MOB1B: variants seen among roughly 807,000 people sequenced by gnomAD.
MOB1B encodes MOB1 Mps One Binder homolog B.
Under a neutral mutation model 24.4 loss-of-function variants are expected in MOB1B, and 19 were observed. That is an observed-to-expected ratio of 0.78 (90% confidence interval 0.54 to 1.14). The LOEUF is 1.14. Among genes scored for constraint, MOB1B ranks in the 50% most tolerant of loss-of-function variants. The pLI is 0.00. For synonymous variants in MOB1B, 76 were observed against 82.1 expected (o/e 0.93, Z 0.40); for missense variants, 243 against 259.6 (o/e 0.94, Z 0.44).
chr4:70,948,104 G>T (rs1296797162), intron 1 of MOB1B, among the ~76,000 whole-genome samples: 1 of 152,032 alleles, frequency 6.6e-6, no homozygotes, highest in African/African-American at 2.4e-5. Flanking sequence ...TTTGTGAAAG[G>T]TGCAAGATCT....
chr4:70,968,708 G>C (rs1021167947), intron 2 of MOB1B, among the ~76,000 whole-genome samples: 1 of 152,190 alleles, frequency 6.6e-6, no homozygotes, highest in African/African-American at 2.4e-5. Flanking sequence ...TCGAACTCCT[G>C]GGGTCAAGCA....
intron 1 of MOB1B, among the ~76,000 whole-genome samples, chr4:70,955,202 G>T (rs899811326): frequency 6.6e-6 from 1 of 152,176 alleles, no homozygotes; most frequent in African/African-American, 2.4e-5. Flanking sequence ...CTCTGGGGGA[G>T]GTGAGGCTCG....
At chr4:70,929,955 A>T (rs541629815) in intron 1 of MOB1B, among the ~76,000 whole-genome samples, 10 of 152,062 alleles carry the variant, frequency 6.6e-5, no homozygotes, top group Non-Finnish European at 1.5e-4. Context: ...GCGTCTCCCT[A>T]TGTTGCCCAG....
At chr4:70,964,699 G>A (rs1202061991) in intron 2 of MOB1B, among the ~76,000 whole-genome samples, 1 of 152,190 alleles carries the variant, frequency 6.6e-6, no homozygotes, top group African/African-American at 2.4e-5. Context: ...GGAGGCCAAG[G>A]TGGGTGGATC....
chr4:70,975,257 A>T lies in MOB1B; in HGVS notation c.380A>T (p.Asp127Val). ...ATGACTTGGGTTCAGGACCAGTTGG[A>T]TGATGAGACGTTATTTCCATCAAAA... ...YLMTWVQDQL[D>V]DETLFPSKIG... The change falls in exon 4 of 6, where the codon GAT (aspartate) becomes GTT (valine). Residue 127 changes from aspartate to valine, a missense_variant. Transcript: ENST00000309395. The T allele has an allele frequency of 6.2e-7, 1 of 1,613,402 alleles. No homozygotes were observed. Among genetic ancestry groups the T allele is most frequent in the Non-Finnish European group, 8.5e-7 (1 of 1,179,700 alleles).
At chr4:70,960,646 G>A (rs1738267692) in intron 2 of MOB1B, among the ~76,000 whole-genome samples, 1 of 152,122 alleles carries the variant, frequency 6.6e-6, no homozygotes, top group Non-Finnish European at 1.5e-5. Flanking sequence ...TTATTATTAT[G>A]TGATTATCCT....
At chr4:70,949,699 G>A (rs1737722371) in intron 1 of MOB1B, among the ~76,000 whole-genome samples, 1 of 151,984 alleles carries the variant, frequency 6.6e-6, no homozygotes, top group Non-Finnish European at 1.5e-5. Context: ...ACTAGCCAGG[G>A]CAACAAAGTG....
At chr4:70,965,579 C>T (rs1490523907) in intron 2 of MOB1B, among the ~76,000 whole-genome samples, 1 of 150,496 alleles carries the variant, frequency 6.6e-6, no homozygotes, top group Non-Finnish European at 1.5e-5. Flanking sequence ...GGGTGGATCA[C>T]GAGGTCAGGA....
intron 1 of MOB1B, among the ~76,000 whole-genome samples, chr4:70,925,426 C>T (rs1178296836): frequency 6.6e-6 from 1 of 152,030 alleles, no homozygotes; most frequent in African/African-American, 2.4e-5. Context: ...ATGTCTTTGC[C>T]TTTTTTGATA....
chr4:70,971,124 C>T (rs1298325760), intron 3 of MOB1B, among the ~76,000 whole-genome samples: 1 of 152,168 alleles, frequency 6.6e-6, no homozygotes, highest in African/African-American at 2.4e-5. Context: ...TTGTTCTCTC[C>T]TCACCCTGTT....
Position 70,903,592 on chromosome 4 carries a change from C to A in MOB1B, c.14+1042C>A, listed in dbSNP as rs1231858617. Among the ~76,000 whole-genome samples the A allele has an allele frequency of 2.6e-5, 4 of 152,314 alleles. No individual in the cohort carries two copies. In the East Asian group the frequency reaches 7.7e-4, roughly 29 times the overall value. Reference sequence around the variant, plus strand: ...TTAGAAGTTGAAACTCACCCATATACTGTTTTACTGTTGTGGAGAAATTAG... The same window carrying A: ...TTAGAAGTTGAAACTCACCCATATAATGTTTTACTGTTGTGGAGAAATTAG... On this transcript the variant is annotated intron_variant, in intron 1 of 5. Coordinates refer to ENST00000309395, the MANE Select transcript of MOB1B (RefSeq NM_173468.4).
chr4:70,927,154 C>T (rs899729406), intron 1 of MOB1B, among the ~76,000 whole-genome samples: 4 of 152,048 alleles, frequency 2.6e-5, no homozygotes, highest in African/African-American at 9.7e-5. Context: ...CCTTGCACTG[C>T]AAGATATTGC....
Position 70,976,429 on chromosome 4 carries a change from G to C in MOB1B, c.409+1143G>C, listed in dbSNP as rs1738999126. ...ATTAAGCTATGTGAGAAGAAAACAA[G>C]ATTTGAGGGGTTGCTGTATCATCGG... On this transcript the variant is annotated intron_variant, in intron 4 of 5. Transcript: ENST00000309395. 10 of 985,220 alleles carry C rather than the reference G, an allele frequency of 1.0e-5. No individual in the cohort carries two copies. In the South Asian group the frequency reaches 4.2e-4, roughly 42 times the overall value. The allele number at this position is 985,220 out of a possible 1,614,324, so 61.0% of individuals were successfully genotyped here.
At chr4:70,971,429 G>T (rs187563768) in intron 3 of MOB1B, among the ~76,000 whole-genome samples, 1 of 151,622 alleles carries the variant, frequency 6.6e-6, no homozygotes, top group Non-Finnish European at 1.5e-5. Flanking sequence ...CTGGGAGGTG[G>T]GGGTGAGGTT....
At chr4:70,966,942 A>G (rs903951524) in intron 2 of MOB1B, among the ~76,000 whole-genome samples, 2 of 152,304 alleles carry the variant, frequency 1.3e-5, no homozygotes, top group Non-Finnish European at 1.5e-5. Context: ...TATCACAACA[A>G]TACATGCAGA....
At chr4:70,953,964 A>T (rs1737920789) in intron 1 of MOB1B, among the ~76,000 whole-genome samples, 1 of 152,120 alleles carries the variant, frequency 6.6e-6, no homozygotes, top group South Asian at 2.1e-4. Context: ...ATAAAAGAAG[A>T]AAGTTGCAAA....
intron 1 of MOB1B, among the ~76,000 whole-genome samples, chr4:70,947,040 G>A (rs1737613047): frequency 6.6e-6 from 1 of 152,124 alleles, no homozygotes; most frequent in Non-Finnish European, 1.5e-5. Flanking sequence ...CTTCAAAACT[G>A]GTGATGTCGT....
At chr4:70,906,780 G>A (rs1364121333) in intron 1 of MOB1B, among the ~76,000 whole-genome samples, 3 of 152,120 alleles carry the variant, frequency 2.0e-5, no homozygotes, top group Admixed American at 6.6e-5. Flanking sequence ...TGGTAGATAC[G>A]GAAACTTCAC....
intron 1 of MOB1B, 114 bp from the exon 2 acceptor site, chr4:70,958,750 TAGTTACAGCA>T: frequency 1.1e-6 from 1 of 950,750 alleles, no homozygotes; most frequent in Admixed American, 1.7e-5. Flanking sequence ...GAGAGCACAG[TAGTTACAGCA>T]ATTCTATTGC....
Sources: gnomAD v4.1 joint callset for allele counts (sites outside exome capture counted in the v4.1 genomes callset) on GRCh38, gnomAD v4.1.1 for gene constraint, MANE v1.5 for transcripts, NCBI Gene and HGNC (gene_info 2026-07-23, HGNC 2026-07-21) for gene names.